The following HMCN1 variants were observed in gnomAD, a reference collection of about 807,000 sequenced individuals.
HMCN1 encodes the protein hemicentin 1, also known as hemicentin-1.
A neutral mutation model predicts 625.9 loss-of-function variants in HMCN1; 321 were observed. That is an observed-to-expected ratio of 0.51 (90% CI 0.47 to 0.56). The LOEUF (loss-of-function observed/expected upper bound fraction) is 0.56, where lower values mean the gene tolerates loss of function less well. Ranked by LOEUF, HMCN1 falls within the 20% of genes least tolerant of loss-of-function variation. HMCN1 has a pLI of 0.00. For synonymous variants in HMCN1, 2,425 were observed against 2,417.6 expected (o/e 1.00, Z -0.09); for missense variants, 6,588 against 6,887.3 (o/e 0.96, Z 1.54).
intron 64 of HMCN1, among the ~76,000 whole-genome samples, chr1:186,091,342 A>G (rs1454949898): frequency 1.3e-5 from 2 of 152,004 alleles, no homozygotes; most frequent in African/African-American, 4.8e-5. Context: ...GTATGCTGAA[A>G]CCACCAAACT....
At position 186,112,793 on chromosome 1, in the gene HMCN1, C is replaced by T. The variant is rs1385402475; in HGVS notation, c.10990-19C>T. On this transcript the variant is annotated intron_variant, in intron 71 of 106. Transcript: ENST00000271588. The stretch of plus-strand genomic sequence containing the variant: ...TTCCTGACATTTTAACGGCAAATTT[C>T]TTTACTTGCTGAATCCAGGCAACAC... 1 of 1,613,858 alleles carries T rather than the reference C, an allele frequency of 6.2e-7. No individual in the cohort carries two copies. The highest frequency in any genetic ancestry group is 8.5e-7 in the Non-Finnish European group (1 of 1,179,858).
rs115166291 is a variant in HMCN1, at chr1:186,103,155, G to A, written c.10574-317G>A. Among the ~76,000 whole-genome samples, 432 of 152,066 alleles carry A rather than the reference G, an allele frequency of 2.8e-3. 3 individuals are homozygous for A. The highest frequency in any genetic ancestry group is 9.8e-3 in the African/African-American group (406 of 41,516). ...CCCTCTAAAAAAAAAAGTGGTACAA[G>A]CTGCGTTTGGTTTTTATTGTTTTCA... On this transcript the variant is annotated intron_variant, in intron 68 of 106. Transcript: ENST00000271588.
At chr1:186,188,863 C>CCTAT (rs1437095554) in intron 106 of HMCN1, among the ~76,000 whole-genome samples, 4 of 152,090 alleles carry the variant, frequency 2.6e-5, no homozygotes, top group African/African-American at 9.7e-5. Context: ...ACTGAAGAAT[C>CCTAT]CTATCTTCAT....
chr1:185,864,352 G>A, intron 2 of HMCN1, 118 bp from the exon 3 acceptor site: 2 of 918,480 alleles, frequency 2.2e-6, no homozygotes, highest in East Asian at 5.1e-5. Flanking sequence ...GTGTCAAACT[G>A]ACAGAAAATA....
chr1:185,944,578 T>TCTTACA (rs1309737358), intron 11 of HMCN1, among the ~76,000 whole-genome samples: 1 of 152,234 alleles, frequency 6.6e-6, no homozygotes, highest in East Asian at 1.9e-4. Context: ...TTACTCCTCC[T>TCTTACA]TTCTCTAGAG....
chr1:186,133,633 T>G, intron 86 of HMCN1, among the ~76,000 whole-genome samples: 1 of 152,194 alleles, frequency 6.6e-6, no homozygotes, highest in Non-Finnish European at 1.5e-5. Context: ...TCATCACTAT[T>G]GAGAGATGCT....
At chr1:186,063,066 G>GTATATATA (rs1491400415) in intron 48 of HMCN1, among the ~76,000 whole-genome samples, 446 of 29,700 alleles carry the variant, frequency 0.015, 1 homozygote, top group Middle Eastern at 0.029. Flanking sequence ...GTGTGTGTGT[G>GTATATATA]CATATATATA....
Position 185,734,718 on chromosome 1 carries a change from TGAG to T in HMCN1, c.-56_-54del. 1 of 1,518,274 alleles carries T rather than the reference TGAG, an allele frequency of 6.6e-7. No homozygotes were observed. The highest frequency in any genetic ancestry group is 1.7e-5 in the Admixed American group (1 of 59,908). 94.1% of individuals were successfully genotyped at this position (1,518,274 alleles called of 1,614,324 possible). On this transcript the variant is annotated 5_prime_UTR_variant, in exon 1 of 107. Coordinates refer to ENST00000271588, the MANE Select transcript of HMCN1 (RefSeq NM_031935.3). Reference sequence around the variant, plus strand: ...TGAGAGGAAACCCTCTGCCTGTTGTTGAGGAGGACTGAGCACAGTGCTTAGGCG... The same window carrying T: ...TGAGAGGAAACCCTCTGCCTGTTGTTGAGGACTGAGCACAGTGCTTAGGCG...
chr1:186,043,512 G>A (rs1251725598), intron 40 of HMCN1, among the ~76,000 whole-genome samples: 2 of 152,038 alleles, frequency 1.3e-5, no homozygotes, highest in Admixed American at 1.3e-4. Context: ...AGTAACTGAA[G>A]GAAAATATAT....
rs755615594 is a variant in HMCN1, at chr1:186,053,952, G to T, written c.6828G>T (p.Gly2276=). The T allele has an allele frequency of 1.9e-6, 3 of 1,612,552 alleles. No homozygotes were observed. Among genetic ancestry groups the T allele is most frequent in the Non-Finnish European group, 2.5e-6 (3 of 1,179,192 alleles). Residue 2276 remains glycine (G), a synonymous_variant, in exon 44 of 107, where the codon GGG becomes GGT. Coordinates refer to ENST00000271588, the MANE Select transcript of HMCN1 (RefSeq NM_031935.3). ...CATGTGTGGCGTCGAATGTTGCTGG[G>T]ACTGCAAAGAAAGAATACAATCTGC... ...LYSCVASNVA[G]TAKKEYNLQV...
At chr1:186,019,841 G>A in intron 35 of HMCN1, 146 bp downstream of exon 35, 1 of 606,860 alleles carries the variant, frequency 1.6e-6, no homozygotes, top group Non-Finnish European at 2.7e-6. Flanking sequence ...TTTTCTTAGA[G>A]TTTTTAAGAA....
intron 19 of HMCN1, among the ~76,000 whole-genome samples, chr1:185,984,812 C>G (rs1651900699): frequency 6.6e-6 from 1 of 152,106 alleles, no homozygotes; most frequent in Non-Finnish European, 1.5e-5. Flanking sequence ...GATCCAGAAG[C>G]AATCTTTTTT....
At chr1:186,183,461 T>C (rs1653075142) in intron 105 of HMCN1, among the ~76,000 whole-genome samples, 1 of 152,232 alleles carries the variant, frequency 6.6e-6, no homozygotes, top group Non-Finnish European at 1.5e-5. Context: ...ACTTTCGCTT[T>C]GGGCCATCAG....
At chr1:186,051,819 G>A (rs888687889) in intron 42 of HMCN1, among the ~76,000 whole-genome samples, 2 of 152,036 alleles carry the variant, frequency 1.3e-5, no homozygotes, top group South Asian at 2.1e-4. Context: ...GAAAGCACTT[G>A]AGATTCAGTT....
At position 186,081,372 on chromosome 1, in the gene HMCN1, T is replaced by C; in HGVS notation, c.8765T>C (p.Leu2922Pro). 1 of 1,613,358 alleles carries C rather than the reference T, an allele frequency of 6.2e-7. No homozygotes were observed. The highest frequency in any genetic ancestry group is 8.5e-7 in the Non-Finnish European group (1 of 1,179,414). ...CTAGAAGATGACCATCATAAATTTC[T>C]ATCTAATGGACGAATTCTGCAGGTA... ...PLLEDDHHKF[L>P]SNGRILQILN... Residue 2922 changes from leucine (L) to proline (P), a missense_variant, in exon 56 of 107, where the codon CTA becomes CCA. Leu to Pro is a moderately conservative substitution (Grantham distance 98). Transcript: ENST00000271588.
At chr1:186,168,488 TAA>T (rs1354324481) in intron 100 of HMCN1, among the ~76,000 whole-genome samples, 2 of 30,026 alleles carry the variant, frequency 6.7e-5, no homozygotes, top group Non-Finnish European at 9.4e-5. Flanking sequence ...TGTGTTTCTG[TAA>T]GTTAAGTTAA....
intron 73 of HMCN1, 90 bp downstream of exon 73, chr1:186,114,213 T>C: frequency 1.5e-6 from 2 of 1,297,994 alleles, no homozygotes; most frequent in South Asian, 2.4e-5. Context: ...GGTCTCATTA[T>C]GTTTAGAATC....
rs1253253593 is a variant in HMCN1 at position 186,055,444 on chromosome 1, C to T, written c.6914C>T (p.Thr2305Ile). 1.2e-6 allele frequency: 2 copies of T among 1,612,606 alleles called. No individual in the cohort carries two copies. The highest frequency in any genetic ancestry group is 1.7e-6 in the Non-Finnish European group (2 of 1,179,088). The change falls in exon 45 of 107, where the codon ACC becomes ATC. Residue 2305 changes from threonine to isoleucine, a missense_variant. Thr to Ile is a moderately conservative substitution (Grantham distance 89). Coordinates refer to ENST00000271588, the MANE Select transcript of HMCN1 (RefSeq NM_031935.3). ...SGSHPTEIIV[T>I]RGKSISLECE... is the part of the protein sequence containing the mutation. ...AGCCACCCTACTGAAATTATTGTGA[C>T]CCGAGGGAAGAGTATCTCCTTGGAG...
chr1:185,827,480 A>T (rs1660597364), intron 1 of HMCN1, among the ~76,000 whole-genome samples: 2 of 152,108 alleles, frequency 1.3e-5, no homozygotes, highest in South Asian at 4.1e-4. Flanking sequence ...ATCAAGGAAA[A>T]GTTGGCAGGA....
Sources: allele counts gnomAD v4.1 joint callset (sites outside exome capture counted in the v4.1 genomes callset), GRCh38; gene constraint gnomAD v4.1.1; transcripts MANE v1.5; gene names NCBI Gene and HGNC (gene_info 2026-07-23, HGNC 2026-07-21).